ZNF420: variants seen among roughly 807,000 people sequenced by gnomAD.
ZNF420 encodes ATM and p53-associated KZNF protein.
Under a neutral mutation model 44.7 loss-of-function variants are expected in ZNF420, and 31 were observed. That is an observed-to-expected ratio of 0.69 (90% CI 0.52 to 0.94). The LOEUF (loss-of-function observed/expected upper bound fraction) is 0.94, where lower values mean the gene tolerates loss of function less well. Among genes scored for constraint, ZNF420 ranks in the 40% least tolerant of loss-of-function variants. The pLI is 0.00. For synonymous variants in ZNF420, 245 were observed against 267.4 expected (o/e 0.92, Z 0.82); for missense variants, 681 against 827.9 (o/e 0.82, Z 2.18).
intron 4 of ZNF420, among the ~76,000 whole-genome samples, chr19:37,124,532 CAT>C (rs1971236700): frequency 6.6e-6 from 1 of 152,176 alleles, no homozygotes; most frequent in Non-Finnish European, 1.5e-5. Context: ...TCTTTTTTAC[CAT>C]AGTTACAGTG....
intron 1 of ZNF420, among the ~76,000 whole-genome samples, chr19:37,012,611 C>T (rs967639084): frequency 6.6e-6 from 1 of 152,178 alleles, no homozygotes; most frequent in African/African-American, 2.4e-5. Context: ...AGTGAGTCTC[C>T]CAGAAAGTCG....
intron 1 of ZNF420, among the ~76,000 whole-genome samples, chr19:37,056,713 G>C (rs143537005): frequency 2.2e-4 from 34 of 152,326 alleles, no homozygotes; most frequent in African/African-American, 7.7e-4. Flanking sequence ...TGCTCACCTG[G>C]TGGGATTCAA....
intron 4 of ZNF420, among the ~76,000 whole-genome samples, chr19:37,101,216 G>A (rs929550444): frequency 2.0e-5 from 3 of 152,040 alleles, no homozygotes; most frequent in Non-Finnish European, 2.9e-5. Flanking sequence ...TTTGCAGGCC[G>A]GAACCTGGTA....
chr19:37,114,530 A>AC (rs113874126), intron 4 of ZNF420, among the ~76,000 whole-genome samples: 1,673 of 152,286 alleles, frequency 0.011, 32 homozygotes, highest in African/African-American at 0.038. Flanking sequence ...GGAGTTGGCC[A>AC]TCGTGGTTTA....
At chr19:37,039,185 C>T (rs1967410879) in intron 1 of ZNF420, among the ~76,000 whole-genome samples, 1 of 152,122 alleles carries the variant, frequency 6.6e-6, no homozygotes, top group Non-Finnish European at 1.5e-5. Flanking sequence ...CTACTTTTAC[C>T]TCATCTCAAG....
At chr19:37,097,503 C>T (rs1435870604) in intron 4 of ZNF420, among the ~76,000 whole-genome samples, 1 of 152,006 alleles carries the variant, frequency 6.6e-6, no homozygotes, top group Admixed American at 6.6e-5. Context: ...TCATTCTTAT[C>T]TTTTCTCAAA....
chr19:37,012,810 G>GTC lies in ZNF420; in HGVS notation c.-125+4729_-125+4730insCT, dbSNP rs2074581714. ...TGTGTGTGTGTGTGTGTGTGTGTGT[G>GTC]TGTCTCCCATTCTCTCTTCCATCTC... is the stretch of plus-strand genomic sequence containing the variant. On this transcript the variant is annotated intron_variant, in intron 1 of 4. Transcript: ENST00000587029. Among the ~76,000 whole-genome samples the GTC allele has an allele frequency of 2.8e-5, 4 of 142,172 alleles. No individual in the cohort carries two copies. The South Asian group carries it at 8.6e-4, about 31-fold the overall frequency. 93.3% of individuals were successfully genotyped at this position (142,172 alleles called of 152,430 possible). A position where few individuals can be genotyped will look rare whatever the true frequency, so the allele number is the denominator to read the frequency against.
intron 2 of ZNF420, among the ~76,000 whole-genome samples, chr19:37,087,855 C>G (rs1300380874): frequency 6.6e-6 from 1 of 152,156 alleles, no homozygotes; most frequent in Non-Finnish European, 1.5e-5. Context: ...CCATGTTAGC[C>G]AGGATGGTCT....
intron 4 of ZNF420, among the ~76,000 whole-genome samples, chr19:37,119,626 C>G (rs1216256126): frequency 6.6e-6 from 1 of 151,752 alleles, no homozygotes; most frequent in South Asian, 2.1e-4. Flanking sequence ...AAAATCAGAG[C>G]AGAACTGAAG....
At chr19:37,086,903 C>A (rs570360902) in intron 2 of ZNF420, among the ~76,000 whole-genome samples, 1 of 152,164 alleles carries the variant, frequency 6.6e-6, no homozygotes, top group African/African-American at 2.4e-5. Context: ...TGTCTTGTTA[C>A]CATTTTTTTA....
intron 4 of ZNF420, among the ~76,000 whole-genome samples, chr19:37,114,243 A>T (rs905161820): frequency 1.3e-5 from 2 of 152,120 alleles, no homozygotes; most frequent in Admixed American, 6.5e-5. Flanking sequence ...GCTGCTGAGG[A>T]TATAGCGCCC....
At chr19:37,087,291 AAAT>A (rs756136972) in intron 2 of ZNF420, among the ~76,000 whole-genome samples, 9,373 of 70,216 alleles carry the variant, frequency 0.13, 437 homozygotes, top group Non-Finnish European at 0.17. Context: ...TCAAAAAAAA[AAAT>A]AAATAAATAA....
chr19:37,014,661 A>G (rs1259738197), intron 1 of ZNF420, among the ~76,000 whole-genome samples: 3 of 152,208 alleles, frequency 2.0e-5, no homozygotes, highest in African/African-American at 7.2e-5. Context: ...GCGCGAGCCG[A>G]CCACGACAAT....
chr19:37,112,466 CCGA>C, intron 4 of ZNF420, among the ~76,000 whole-genome samples: 1 of 152,252 alleles, frequency 6.6e-6, no homozygotes, highest in East Asian at 1.9e-4. Flanking sequence ...AGTGCCTACG[CCGA>C]CAAGTCCTGT....
At chr19:37,031,570 A>G (rs1304955733) in intron 1 of ZNF420, among the ~76,000 whole-genome samples, 1 of 151,808 alleles carries the variant, frequency 6.6e-6, no homozygotes, top group Non-Finnish European at 1.5e-5. Context: ...TAGTGGCATG[A>G]TCTCGGCTCA....
At position 37,128,877 on chromosome 19, in the gene ZNF420, A is replaced by T. The variant is rs142983916; in HGVS notation, c.1886A>T (p.His629Leu). The T allele has an allele frequency of 1.2e-6, 2 of 1,612,488 alleles. No homozygotes were observed. Among genetic ancestry groups the T allele is most frequent in the African/African-American group, 1.3e-5 (1 of 74,380 alleles). ...AGAAAGGCCTTTACTCAGAGTTCAC[A>T]TCTTTCTCGGCATCAGAGAATTCAT... ...ECRKAFTQSS[H>L]LSRHQRIHTG... Residue 629 changes from histidine (H) to leucine (L), a missense_variant, in exon 5 of 5, where the codon CAT becomes CTT. This residue lies in a region of ZNF420 where 280 missense variants were observed against 338.6 expected (regional missense o/e 0.83). Coordinates refer to ENST00000337995, the MANE Select transcript of ZNF420 (RefSeq NM_144689.5).
At chr19:37,077,472 C>G (rs1263909736), upstream of ZNF420, among the ~76,000 whole-genome samples, 1 of 152,176 alleles carries the variant, frequency 6.6e-6, no homozygotes, top group Admixed American at 6.5e-5. Flanking sequence ...TTGAAATAAT[C>G]TTTCTAAAAA....
chr19:37,128,447 C>T lies in ZNF420; in HGVS notation c.1456C>T (p.Arg486Cys), dbSNP rs775994644. ...TAAGGAATGTGGGAAATCTTTTATT[C>T]GTGGTTCCCAGCTTACTCAACATCA... is the stretch of plus-strand genomic sequence containing the variant. ...ECKECGKSFI[R>C]GSQLTQHQRI... The change falls in exon 5 of 5, where the codon CGT (arginine) becomes TGT (cysteine). Residue 486 changes from arginine to cysteine, a missense_variant. Transcript: ENST00000337995. 19 of 1,613,932 alleles carry T rather than the reference C, an allele frequency of 1.2e-5. No individual in the cohort carries two copies. The highest frequency in any genetic ancestry group is 1.5e-5 in the Non-Finnish European group (18 of 1,179,976).
chr19:37,086,889 ATCTTG>A (rs1054322318), intron 2 of ZNF420, among the ~76,000 whole-genome samples: 8 of 152,128 alleles, frequency 5.3e-5, no homozygotes, highest in Non-Finnish European at 1.0e-4. Context: ...ATGCATTTTT[ATCTTG>A]TCTTGTTACC....
Sources: gnomAD v4.1 joint callset for allele counts (sites outside exome capture counted in the v4.1 genomes callset) on GRCh38, gnomAD v4.1.1 for gene constraint, gnomAD v4.1.1 regional missense constraint, MANE v1.5 for transcripts, NCBI Gene and HGNC (gene_info 2026-07-23, HGNC 2026-07-21) for gene names.